The following LHX1 variants were observed in gnomAD, a reference collection of about 807,000 sequenced individuals.
LHX1 encodes LIM/homeobox protein Lhx1.
A neutral mutation model predicts 34.1 loss-of-function variants in LHX1; 9 were observed. The observed-to-expected ratio is 0.26, with a 90% CI of 0.16 to 0.46. The LOEUF (loss-of-function observed/expected upper bound fraction) is 0.46, where lower values mean the gene tolerates loss of function less well. LHX1 is among the 20% of genes least tolerant of loss of function. The pLI is 1.00. For missense variants in LHX1, 446 were observed against 559.1 expected (o/e 0.80, Z 2.04); for synonymous variants, 254 against 241.5 (o/e 1.05, Z -0.48).
Position 36,938,002 on chromosome 17 carries a change from C to A in LHX1, c.-196C>A, listed in dbSNP as rs1345418655. The A allele has an allele frequency of 1.5e-5, 9 of 620,144 alleles. No homozygotes were observed. Among genetic ancestry groups the A allele is most frequent in the Non-Finnish European group, 2.6e-5 (9 of 351,502 alleles). The allele number at this position is 620,144 out of a possible 1,614,324, so 38.4% of individuals were successfully genotyped here. A position where few individuals can be genotyped will look rare whatever the true frequency, so the allele number is the denominator to read the frequency against. ...CCGGCTGCACACTTCACTGAGACGC[C>A]CCCCCAGGCCCCGATCAGCCTCGTT... On this transcript the variant is annotated 5_prime_UTR_variant, in exon 1 of 5. Transcript: ENST00000614239.
Position 36,938,068 on chromosome 17 carries a change from T to C in LHX1, c.-130T>C. 1.1e-6 allele frequency: 1 copy of C among 888,270 alleles called. No homozygotes were observed. The allele number at this position is 888,270 out of a possible 1,614,324, so 55.0% of individuals were successfully genotyped here. A position where few individuals can be genotyped will look rare whatever the true frequency, so the allele number is the denominator to read the frequency against. ...TGATTTCCTGGTGCGAGTTTTGGCT[T>C]GCACGGCCGAGTGTGTGTCCTCTTT... is the stretch of plus-strand genomic sequence containing the variant. On this transcript the variant is annotated 5_prime_UTR_variant, in exon 1 of 5. Coordinates refer to ENST00000614239, the MANE Select transcript of LHX1 (RefSeq NM_005568.5).
intron 1 of LHX1, 137 bp downstream of exon 1, chr17:36,938,504 C>A: frequency 1.1e-6 from 1 of 870,024 alleles, no homozygotes; most frequent in Non-Finnish European, 1.9e-6. Context: ...CCCGCGGGCG[C>A]CCGCCTCTCC....
chr17:36,942,441 G>T, intron 4 of LHX1, 76 bp downstream of exon 4: 1 of 1,425,354 alleles, frequency 7.0e-7, no homozygotes, highest in Non-Finnish European at 9.6e-7. Context: ...GCGCGGGGGG[G>T]CACGCCTCGC....
Position 36,938,370 on chromosome 17 carries a change from G to A in LHX1, c.170+3G>A, listed in dbSNP as rs1429973419. 6.2e-6 allele frequency: 10 copies of A among 1,613,916 alleles called. No individual in the cohort carries two copies. In the East Asian group the frequency reaches 2.0e-4, roughly 32 times the overall value. ...TACTGCAAGAACGACTTCTTCCGGT[G>A]AGTACTTTCCTCCCACGCCTCTGCT... On this transcript the variant is annotated splice_donor_region_variant and intron_variant, in intron 1 of 4. Transcript: ENST00000614239.
intron 3 of LHX1, chr17:36,941,591 G>T: frequency 4.1e-6 from 1 of 244,526 alleles, no homozygotes; most frequent in Non-Finnish European, 8.1e-6. Flanking sequence ...GAGGCTGGCT[G>T]TGCATGTGCA....
Position 36,942,334 on chromosome 17 carries a change from C to T in LHX1, c.810C>T (p.Leu270=), listed in dbSNP as rs575666421. The T allele has an allele frequency of 1.8e-5, 28 of 1,590,626 alleles. 1 individual carries two copies. The East Asian group carries it at 6.4e-4, about 36-fold the overall frequency. Residue 270 remains leucine (L), a synonymous_variant, in exon 4 of 5, where the codon CTC becomes CTT. Transcript: ENST00000614239. Reference sequence around the variant, plus strand: ...TGGACCGCCTGGAGCCGGGCGAGCTCATCCCCAATGGTCCCTTCTCCTTCT... The same window carrying T: ...TGGACCGCCTGGAGCCGGGCGAGCTTATCCCCAATGGTCCCTTCTCCTTCT... The part of the protein sequence containing the change: ...PLVDRLEPGE[L]IPNGPFSFYG...
chr17:36,943,598 C>A lies in LHX1; in HGVS notation c.*467C>A, dbSNP rs2070783239. 6.3e-6 allele frequency: 1 copy of A among 157,980 alleles called. No homozygotes were observed. Among genetic ancestry groups the A allele is most frequent in the African/African-American group, 2.4e-5 (1 of 41,638 alleles). The allele number at this position is 157,980 out of a possible 1,614,324, so 9.8% of individuals were successfully genotyped here. On this transcript the variant is annotated 3_prime_UTR_variant, in exon 5 of 5. Transcript: ENST00000614239. ...CCCGGGCCAGCCAGGAGGGTTCTAG[C>A]TCTGGGATATCCCTTATTAGTGTTG...
In LHX1 at chr17:36,940,282, C is replaced by A. The variant is rs878901796; in HGVS notation, c.171-8C>A. On this transcript the variant is annotated splice_polypyrimidine_tract_variant and splice_region_variant and intron_variant, in intron 1 of 4. Transcript: ENST00000614239. ...CCGCCCCCGCCCCCCACCCCCACCC[C>A]CCCGCAGGTGTTTCGGTACCAAATG... is the stretch of plus-strand genomic sequence containing the variant. 8.4e-7 allele frequency: 1 copy of A among 1,193,490 alleles called. No homozygotes were observed. The allele number at this position is 1,193,490 out of a possible 1,614,324, so 73.9% of individuals were successfully genotyped here. A position where few individuals can be genotyped will look rare whatever the true frequency, so the allele number is the denominator to read the frequency against.
upstream of LHX1, chr17:36,936,926 C>A: frequency 4.5e-6 from 1 of 220,930 alleles, no homozygotes. Flanking sequence ...CAGCGGCGGT[C>A]CGCGCCGAGC....
Position 36,942,849 on chromosome 17 carries a change from C to A in LHX1, c.939C>A (p.Phe313Leu). Residue 313 changes from phenylalanine to leucine, a missense_variant, in exon 5 of 5, where the codon TTC becomes TTA. By Grantham distance (22) the Phe-to-Leu change is conservative (BLOSUM62 0). This residue lies in a region of LHX1 where 235 missense variants were observed against 224.4 expected (regional missense o/e 1.05). Transcript: ENST00000614239. ...CCCAGACACCAGTGGACCTACCCTTCGTGCCGTCATCTGGGCCGTCCGGGA... is the reference window on the plus strand; with the variant it reads ...CCCAGACACCAGTGGACCTACCCTTAGTGCCGTCATCTGGGCCGTCCGGGA... The part of the protein sequence containing the change: ...SQAQTPVDLP[F>L]VPSSGPSGTP... The A allele has an allele frequency of 5.0e-6, 8 of 1,589,932 alleles. No individual in the cohort carries two copies. The highest frequency in any genetic ancestry group is 3.3e-4 in the Middle Eastern group (2 of 6,008).
rs75973369 is a variant in LHX1 at position 36,943,008 on chromosome 17, C to T, written c.1098C>T (p.His366=). 7,441 of 1,610,742 alleles carry T rather than the reference C, an allele frequency of 4.6e-3. 287 individuals carry two copies. The African/African-American group carries it at 0.085, about 18-fold the overall frequency. The change falls in exon 5 of 5, where the codon CAC becomes CAT. Residue 366 remains histidine, a synonymous_variant. Transcript: ENST00000614239. ...AGCCCAGCCTGCCCGGGCCTCTGCA[C>T]TCCATGTCGGCCGAGGTCTTCGGAC... ...SPEPSLPGPL[H]SMSAEVFGPS...
rs774221578 is a variant in LHX1, at chr17:36,938,344, C to G, written c.147C>G (p.Leu49=). The part of the protein sequence containing the change: ...TEKCFSREGK[L]YCKNDFFRCF... ...AGTGCTTCTCCAGGGAAGGCAAACT[C>G]TACTGCAAGAACGACTTCTTCCGGT... The change falls in exon 1 of 5, where the codon CTC becomes CTG. Residue 49 remains leucine, a synonymous_variant. Transcript: ENST00000614239. The G allele has an allele frequency of 3.1e-6, 5 of 1,614,214 alleles. No individual in the cohort carries two copies. The highest frequency in any genetic ancestry group is 2.2e-5 in the South Asian group (2 of 91,090).
At chr17:36,941,919 T>A (rs1030454704) in intron 3 of LHX1, among the ~76,000 whole-genome samples, 1 of 152,122 alleles carries the variant, frequency 6.6e-6, no homozygotes, top group Non-Finnish European at 1.5e-5. Flanking sequence ...ACTGTGATAG[T>A]GTGACTGTTA....
Position 36,940,362 on chromosome 17 carries a change from CAA to C in LHX1, c.245_246del (p.Lys82SerfsTer13). On this transcript the variant is annotated frameshift_variant, in exon 2 of 5. Coordinates refer to ENST00000614239, the MANE Select transcript of LHX1 (RefSeq NM_005568.5). LOFTEE classifies it high-confidence loss of function. ...PSDLVRRARS[K>X]VFHLNCFTCM... ...GCGACCTGGTGCGGAGAGCGCGGAG[CAA>C]AGTGTTTCACCTGAACTGCTTCACC... 1 of 1,607,886 alleles carries C rather than the reference CAA, an allele frequency of 6.2e-7. No individual in the cohort carries two copies. Among genetic ancestry groups the C allele is most frequent in the South Asian group, 1.1e-5 (1 of 90,626 alleles).
In LHX1 at chr17:36,943,072, G is replaced by T. The variant is rs145694637; in HGVS notation, c.1162G>T (p.Ala388Ser). The T allele has an allele frequency of 7.5e-3, 12,121 of 1,610,086 alleles. 89 individuals are homozygous for T. Among genetic ancestry groups the T allele is most frequent in the Middle Eastern group, 0.019 (117 of 6,052 alleles). ...CTCGTCGCTGTCGGTCAACGGTGGGGCGAGCTACGGAAACCACCTGTCCCA... is the reference window on the plus strand; with the variant it reads ...CTCGTCGCTGTCGGTCAACGGTGGGTCGAGCTACGGAAACCACCTGTCCCA... ...PFSSLSVNGGASYGNHLSHPP... is the reference protein window; with the variant it reads ...PFSSLSVNGGSSYGNHLSHPP... The change falls in exon 5 of 5, where the codon GCG (alanine) becomes TCG (serine). Residue 388 changes from alanine to serine, a missense_variant. By Grantham distance (99) the Ala-to-Ser change is moderately conservative. Around this residue, in one of 3 missense-constraint regions of LHX1, gnomAD observed 235 missense variants for 224.4 expected, o/e 1.05. Transcript: ENST00000614239.
chr17:36,940,258 C>CGGGGGGGGGGGGGGGGGGGG, intron 1 of LHX1, 32 bp from the exon 2 acceptor site: 11 of 528,902 alleles, frequency 2.1e-5, no homozygotes, highest in East Asian at 3.5e-5. Flanking sequence ...GACCCATCCC[C>CGGGGGGGGGGGGGGGGGGGG]GCCCCCGCCC....
In LHX1 at chr17:36,942,932, A is replaced by C. The variant is rs2070776239; in HGVS notation, c.1022A>C (p.Gln341Pro). 1.2e-6 allele frequency: 2 copies of C among 1,606,552 alleles called. No homozygotes were observed. The highest frequency in any genetic ancestry group is 1.3e-5 in the African/African-American group (1 of 74,952). The change falls in exon 5 of 5, where the codon CAG (glutamine) becomes CCG (proline). Residue 341 changes from glutamine (Q) to proline (P), a missense_variant. By Grantham distance (76) the Gln-to-Pro change is moderately conservative. Around this residue, in one of 3 missense-constraint regions of LHX1, gnomAD observed 235 missense variants for 224.4 expected, o/e 1.05. Transcript: ENST00000614239. ...LPGHHPSSEA[Q>P]RFTDILAHPP... ...GGCCACCACCCGTCGAGCGAGGCGC[A>C]GCGGTTTACCGACATCCTGGCGCAC...
intron 3 of LHX1, chr17:36,941,279 C>A (rs879230367): frequency 3.4e-5 from 15 of 439,208 alleles, no homozygotes; most frequent in African/African-American, 8.0e-5. Flanking sequence ...GCCTTCTGCA[C>A]AAAGTGAACT....
At chr17:36,941,001 G>A (rs1445170719) in intron 3 of LHX1, 114 bp downstream of exon 3, 2 of 1,487,512 alleles carry the variant, frequency 1.3e-6, no homozygotes, top group Non-Finnish European at 1.8e-6. Flanking sequence ...GGAGTCCAGA[G>A]GTGGGGTGCC....
Sources: gnomAD v4.1 joint callset for allele counts (sites outside exome capture counted in the v4.1 genomes callset) on GRCh38, gnomAD v4.1.1 for gene constraint, gnomAD v4.1.1 regional missense constraint, MANE v1.5 for transcripts, NCBI Gene and HGNC (gene_info 2026-07-23, HGNC 2026-07-21) for gene names.